LRP1B: variants seen among roughly 807,000 people sequenced by gnomAD.
LRP1B encodes the protein LDL receptor related protein 1B.
In LRP1B, 217 loss-of-function variants were observed where a neutral mutation model predicts 556.6. The observed-to-expected ratio is 0.39, with a 90% confidence interval of 0.35 to 0.44. LRP1B has a LOEUF of 0.44. LRP1B is among the 20% of genes least tolerant of loss of function. The probability of loss-of-function intolerance (pLI) is 1.00; values close to 1 mark genes in which losing one functional copy is unlikely to be tolerated. For missense variants in LRP1B, 5,053 were observed against 5,620.8 expected (o/e 0.90, Z 3.23); for synonymous variants, 2,047 against 1,865.8 (o/e 1.10, Z -2.50).
At chr2:140,488,457 CAG>C (rs1182020843) in intron 57 of LRP1B, among the ~76,000 whole-genome samples, 1 of 151,966 alleles carries the variant, frequency 6.6e-6, no homozygotes, top group South Asian at 2.1e-4. Context: ...GGCAGCAAAA[CAG>C]AACACAAATT....
Position 141,413,612 on chromosome 2 carries a change from T to C in LRP1B, c.343+66784A>G, listed in dbSNP as rs551442624. On this transcript the variant is annotated intron_variant, in intron 3 of 90. Transcript: ENST00000389484. ...GTTTGTGGTATTTTGTTATAGGCAA[T>C]AGAAAACATGCAGGATTGGTTGCAT... Among the ~76,000 whole-genome samples the C allele has an allele frequency of 4.6e-5, 7 of 152,226 alleles. No individual in the cohort carries two copies. The South Asian group carries it at 1.5e-3, about 32-fold the overall frequency.
intron 3 of LRP1B, among the ~76,000 whole-genome samples, chr2:141,371,314 T>C (rs114225124): frequency 0.02 from 3,048 of 152,318 alleles, 115 homozygotes; most frequent in African/African-American, 0.07. Flanking sequence ...AATGTAATGC[T>C]TCTAGCTTTG....
intron 3 of LRP1B, among the ~76,000 whole-genome samples, chr2:141,276,679 CAG>C (rs1417925640): frequency 2.3e-5 from 2 of 85,128 alleles, no homozygotes; most frequent in African/African-American, 4.4e-5. Flanking sequence ...TTTTTTGAGA[CAG>C]AGTGTTGCTC....
intron 79 of LRP1B, among the ~76,000 whole-genome samples, chr2:140,334,216 C>T (rs572976925): frequency 2.6e-5 from 4 of 152,012 alleles, no homozygotes; most frequent in Non-Finnish European, 5.9e-5. Context: ...CGACTAATAG[C>T]CTTACAACTT....
chr2:140,932,835 C>T (rs1180837481), intron 20 of LRP1B, among the ~76,000 whole-genome samples: 1 of 144,074 alleles, frequency 6.9e-6, no homozygotes, highest in Non-Finnish European at 1.5e-5. Flanking sequence ...GTGATTGTGC[C>T]AGTACACTCA....
At chr2:142,121,846 CAT>C (rs1171310481) in intron 1 of LRP1B, among the ~76,000 whole-genome samples, 5 of 151,904 alleles carry the variant, frequency 3.3e-5, no homozygotes, top group Non-Finnish European at 5.9e-5. Flanking sequence ...TGAATAAACA[CAT>C]GAGTGATCAC....
At chr2:140,546,403 C>T (rs34989514) in intron 43 of LRP1B, among the ~76,000 whole-genome samples, 76,962 of 151,750 alleles carry the variant, frequency 0.51, 19,736 homozygotes, top group East Asian at 0.61. Context: ...GACTGGGTAA[C>T]TTATAAAGGA....
Position 140,994,152 on chromosome 2 carries a change from C to A in LRP1B, c.2504-17G>T, listed in dbSNP as rs531629533. The A allele has an allele frequency of 1.9e-6, 3 of 1,608,604 alleles. No homozygotes were observed. Among genetic ancestry groups the A allele is most frequent in the African/African-American group, 1.3e-5 (1 of 74,550 alleles). On this transcript the variant is annotated splice_polypyrimidine_tract_variant and intron_variant, in intron 15 of 90. Transcript: ENST00000389484. ...CAGGATTAACTAGAGTTAAAAAAAC[C>A]CAAGGTATATGAATAATGCTAGCTA...
intron 1 of LRP1B, among the ~76,000 whole-genome samples, chr2:142,083,983 C>CA (rs1705816773): frequency 7.1e-6 from 1 of 141,720 alleles, no homozygotes; most frequent in Non-Finnish European, 1.5e-5. Context: ...TTCTCTATGC[C>CA]TTTTTTTTTT....
chr2:140,690,144 C>A (rs1326824597), intron 41 of LRP1B, among the ~76,000 whole-genome samples: 1 of 151,724 alleles, frequency 6.6e-6, no homozygotes, highest in Non-Finnish European at 1.5e-5. Context: ...GAAAAAAAAA[C>A]CTTTATCACC....
intron 79 of LRP1B, among the ~76,000 whole-genome samples, chr2:140,329,414 GAAAT>G (rs1181302813): frequency 6.6e-6 from 1 of 152,040 alleles, no homozygotes; most frequent in African/African-American, 2.4e-5. Context: ...GCAAGAGAAA[GAAAT>G]AAAGTGTATT....
At chr2:140,836,293 GA>G (rs1691900307) in intron 31 of LRP1B, among the ~76,000 whole-genome samples, 1 of 152,128 alleles carries the variant, frequency 6.6e-6, no homozygotes, top group African/African-American at 2.4e-5. Flanking sequence ...CTGTGCCTTA[GA>G]AAAGGTAAGA....
At chr2:141,582,036 T>G (rs2105280754) in intron 2 of LRP1B, among the ~76,000 whole-genome samples, 1 of 152,312 alleles carries the variant, frequency 6.6e-6, no homozygotes, top group African/African-American at 2.4e-5. Context: ...ATGAACGACC[T>G]TCATTCCTCA....
At chr2:140,632,428 C>T (rs115914329) in intron 41 of LRP1B, among the ~76,000 whole-genome samples, 1 of 151,844 alleles carries the variant, frequency 6.6e-6, no homozygotes, top group African/African-American at 2.4e-5. Context: ...TAATATGGCA[C>T]TATTTGAGAG....
chr2:141,326,500 C>T (rs571388637), intron 3 of LRP1B, among the ~76,000 whole-genome samples: 28 of 152,188 alleles, frequency 1.8e-4, no homozygotes, highest in Non-Finnish European at 3.8e-4. Context: ...GAGAGGAAAA[C>T]TATGAAATGG....
chr2:142,130,604 G>A (rs768915107), intron 1 of LRP1B, 44 bp downstream of exon 1: 1 of 1,523,348 alleles, frequency 6.6e-7, no homozygotes, highest in Non-Finnish European at 9.0e-7. Flanking sequence ...CAGCAGGAAA[G>A]CCAAGGAAGT....
rs1358501292 is a variant in LRP1B, at chr2:141,266,213, A to C, written c.344-11572T>G. Among the ~76,000 whole-genome samples, 4 of 151,380 alleles carry C rather than the reference A, an allele frequency of 2.6e-5. No homozygotes were observed. The East Asian group carries it at 7.8e-4, about 30-fold the overall frequency. ...ATGGCAGGCGCCTGTAAAACCAGCT[A>C]TTCAAGAGGCTGAGACAGAAGAATG... On this transcript the variant is annotated intron_variant, in intron 3 of 90. Coordinates refer to ENST00000389484, the MANE Select transcript of LRP1B (RefSeq NM_018557.3).
chr2:141,929,207 T>G (rs1484364957), intron 1 of LRP1B, among the ~76,000 whole-genome samples: 1 of 152,064 alleles, frequency 6.6e-6, no homozygotes, highest in Non-Finnish European at 1.5e-5. Flanking sequence ...TAAGACTAAA[T>G]TAGGAGACCA....
intron 23 of LRP1B, among the ~76,000 whole-genome samples, chr2:140,888,489 T>A (rs964643859): frequency 5.8e-4 from 88 of 151,032 alleles, no homozygotes; most frequent in African/African-American, 2.0e-3. Context: ...AGACTTGATT[T>A]TATATATATA....
Sources: gnomAD v4.1 joint callset for allele counts (sites outside exome capture counted in the v4.1 genomes callset) on GRCh38, gnomAD v4.1.1 for gene constraint, MANE v1.5 for transcripts, NCBI Gene and HGNC (gene_info 2026-07-23, HGNC 2026-07-21) for gene names.